Variants in ATP2B2 observed in about 807,000 individuals in gnomAD.
ATP2B2 encodes the protein plasma membrane calcium-transporting ATPase 2.
Under a neutral mutation model 120.0 loss-of-function variants are expected in ATP2B2, and 15 were observed. The observed-to-expected ratio is 0.12, with a 90% confidence interval of 0.08 to 0.19. ATP2B2 has a LOEUF of 0.19. ATP2B2 is among the 10% of genes least tolerant of loss of function. The pLI is 1.00. For missense variants in ATP2B2, 1,045 were observed against 1,719.8 expected (o/e 0.61, Z 6.94); for synonymous variants, 694 against 700.3 (o/e 0.99, Z 0.14).
At chr3:10,595,956 C>T (rs1260444512) in intron 2 of ATP2B2, among the ~76,000 whole-genome samples, 2 of 152,162 alleles carry the variant, frequency 1.3e-5, no homozygotes, top group Admixed American at 6.5e-5. Flanking sequence ...GAACCCACCA[C>T]GTTCATTCCC....
chr3:10,673,484 AAGAG>A (rs1381318826), intron 1 of ATP2B2, among the ~76,000 whole-genome samples: 1 of 151,092 alleles, frequency 6.6e-6, no homozygotes, highest in African/African-American at 2.4e-5. Flanking sequence ...GAGAGACAGG[AAGAG>A]AGAGAAAGAC....
rs772461775 is a variant in ATP2B2, at chr3:10,402,278, G to A, written c.468C>T (p.Ala156=). 5.6e-6 allele frequency: 9 copies of A among 1,613,954 alleles called. No individual in the cohort carries two copies. In the East Asian group the frequency reaches 1.3e-4, roughly 24 times the overall value. Residue 156 remains alanine (A), a synonymous_variant, in exon 4 of 23, where the codon GCC becomes GCT. Coordinates refer to ENST00000360273, the MANE Select transcript of ATP2B2 (RefSeq NM_001001331.4). The surrounding 1 kb of genome is among the most constrained non-coding windows in gnomAD (Gnocchi z 4.9). ...EAEAGWIEGA[A]ILLSVICVVL... is the part of the protein sequence containing the mutation. The stretch of plus-strand genomic sequence containing the variant: ...CCACACAGATAACTGAGAGGAGAAT[G>A]GCGGCCCCCTCGATCCAACCTGCCT...
At chr3:10,406,272 T>C (rs1007622158) in intron 3 of ATP2B2, among the ~76,000 whole-genome samples, 5 of 152,122 alleles carry the variant, frequency 3.3e-5, no homozygotes, top group Non-Finnish European at 7.4e-5. Flanking sequence ...AAGAATGAGA[T>C]GAAGTGTGGG....
chr3:10,690,480 A>ATCTATC (rs1559523423), intron 1 of ATP2B2, among the ~76,000 whole-genome samples: 1 of 138,646 alleles, frequency 7.2e-6, no homozygotes, highest in Non-Finnish European at 1.6e-5. Flanking sequence ...ATCTATCTAT[A>ATCTATC]TATCTCCTTC....
At chr3:10,474,421 T>C (rs2065129427) in intron 1 of ATP2B2, among the ~76,000 whole-genome samples, 2 of 152,068 alleles carry the variant, frequency 1.3e-5, no homozygotes, top group African/African-American at 2.4e-5. Context: ...TTAAAGATGG[T>C]ATTTAAAGCC....
chr3:10,354,542 C>G (rs1290029632), intron 14 of ATP2B2, among the ~76,000 whole-genome samples: 1 of 152,160 alleles, frequency 6.6e-6, no homozygotes, highest in East Asian at 1.9e-4. Flanking sequence ...GCTTCAAACA[C>G]CCCCGGATAA....
intron 8 of ATP2B2, 60 bp downstream of exon 8, chr3:10,385,208 G>A: frequency 6.6e-7 from 1 of 1,523,486 alleles, no homozygotes; most frequent in Non-Finnish European, 9.1e-7. Flanking sequence ...GCCCAAAGTT[G>A]GGGTGGGGGT....
chr3:10,544,178 T>C (rs903395430), intron 2 of ATP2B2, among the ~76,000 whole-genome samples: 8 of 152,192 alleles, frequency 5.3e-5, no homozygotes, highest in African/African-American at 1.9e-4. Flanking sequence ...ATCATTGAGC[T>C]CATGAGTGTT....
chr3:10,476,914 C>T (rs2065225939), intron 1 of ATP2B2, among the ~76,000 whole-genome samples: 1 of 152,196 alleles, frequency 6.6e-6, no homozygotes, highest in Admixed American at 6.5e-5. Context: ...CTTAGCAGAA[C>T]AGGCACCTAG....
chr3:10,537,236 A>C (rs1383351307), intron 2 of ATP2B2, among the ~76,000 whole-genome samples: 1 of 152,174 alleles, frequency 6.6e-6, no homozygotes. Context: ...TAAATTTTAT[A>C]ATCTTTTCTA....
intron 1 of ATP2B2, among the ~76,000 whole-genome samples, chr3:10,625,486 A>T (rs1166417015): frequency 6.6e-6 from 1 of 152,092 alleles, no homozygotes; most frequent in Non-Finnish European, 1.5e-5. Context: ...AGATTCCCAT[A>T]TTGGTTTCCT....
chr3:10,541,147 T>G (rs534208734), intron 2 of ATP2B2, among the ~76,000 whole-genome samples: 64 of 152,270 alleles, frequency 4.2e-4, no homozygotes, highest in African/African-American at 1.5e-3. Context: ...TGTCTTCTCT[T>G]TCTGTCTTGT....
At chr3:10,580,943 A>G (rs1256919085) in intron 2 of ATP2B2, among the ~76,000 whole-genome samples, 4 of 152,266 alleles carry the variant, frequency 2.6e-5, no homozygotes, top group East Asian at 3.8e-4. Context: ...AAGGCCTGAA[A>G]TATGTAATCT....
intron 1 of ATP2B2, among the ~76,000 whole-genome samples, chr3:10,470,102 A>C (rs1013739991): frequency 1.3e-5 from 2 of 152,122 alleles, no homozygotes; most frequent in Non-Finnish European, 2.9e-5. Flanking sequence ...CCTGGGAGGG[A>C]AAAGGAATCA....
intron 1 of ATP2B2, among the ~76,000 whole-genome samples, chr3:10,699,062 G>T (rs917280889): frequency 2.0e-5 from 3 of 152,086 alleles, no homozygotes; most frequent in African/African-American, 7.2e-5. Context: ...CGGCCTTCCA[G>T]CCCAGCCACA....
intron 2 of ATP2B2, among the ~76,000 whole-genome samples, chr3:10,578,111 G>A (rs1452032291): frequency 2.0e-5 from 3 of 152,100 alleles, no homozygotes; most frequent in African/African-American, 2.4e-5. Context: ...TCTATGTAAT[G>A]GGTATGATCA....
intron 1 of ATP2B2, among the ~76,000 whole-genome samples, chr3:10,657,495 C>A (rs2070664440): frequency 6.6e-6 from 1 of 152,192 alleles, no homozygotes; most frequent in African/African-American, 2.4e-5. Context: ...GTGGGGCATT[C>A]AAGAAAGTGG....
intron 1 of ATP2B2, among the ~76,000 whole-genome samples, chr3:10,656,017 T>C (rs1426807836): frequency 6.6e-6 from 1 of 152,212 alleles, no homozygotes; most frequent in African/African-American, 2.4e-5. Flanking sequence ...CCTGGATTGA[T>C]GAGTCCAAAC....
chr3:10,481,414 G>A (rs2065406982), intron 1 of ATP2B2, among the ~76,000 whole-genome samples: 1 of 151,700 alleles, frequency 6.6e-6, no homozygotes, highest in Non-Finnish European at 1.5e-5. Context: ...ATGTCTGCAC[G>A]TTTCAGTCCC....
Sources: allele counts gnomAD v4.1 joint callset (sites outside exome capture counted in the v4.1 genomes callset), GRCh38; gene constraint gnomAD v4.1.1; non-coding constraint Gnocchi (gnomAD v3.1); transcripts MANE v1.5; gene names NCBI Gene and HGNC (gene_info 2026-07-23, HGNC 2026-07-21).